The following ERC2 variants were observed in gnomAD, a reference collection of about 807,000 sequenced individuals.
ERC2 encodes the protein ELKS/RAB6-interacting/CAST family member 2.
Under a neutral mutation model 114.8 loss-of-function variants are expected in ERC2, and 42 were observed. That is an observed-to-expected ratio of 0.37 (90% CI 0.29 to 0.47). The LOEUF is 0.47. Ranked by LOEUF, ERC2 falls within the 20% of genes least tolerant of loss-of-function variation. The pLI is 0.99. For missense variants in ERC2, 939 were observed against 1,150.7 expected, an observed-to-expected ratio of 0.82 and a Z score of 2.66; for synonymous variants, 454 against 425.5, an observed-to-expected ratio of 1.07 and a Z score of -0.82.
At chr3:55,583,887 A>G (rs375060857) in intron 17 of ERC2, among the ~76,000 whole-genome samples, 5,122 of 25,098 alleles carry the variant, frequency 0.2, 89 homozygotes, top group Non-Finnish European at 0.38. Context: ...CCAACTTGCT[A>G]GCCCCCCTCC....
At chr3:56,043,357 T>G (rs1258346310) in intron 7 of ERC2, among the ~76,000 whole-genome samples, 1 of 152,166 alleles carries the variant, frequency 6.6e-6, no homozygotes, top group Non-Finnish European at 1.5e-5. Context: ...TAAGAATTTT[T>G]TATGGCACTA....
chr3:56,280,784 A>G (rs2054290129), intron 3 of ERC2, among the ~76,000 whole-genome samples: 1 of 152,222 alleles, frequency 6.6e-6, no homozygotes, highest in Admixed American at 6.5e-5. Flanking sequence ...GACTATTTCT[A>G]CAGGCAAGAC....
chr3:56,372,471 T>C (rs1352134346), intron 2 of ERC2, among the ~76,000 whole-genome samples: 1 of 152,130 alleles, frequency 6.6e-6, no homozygotes, highest in Non-Finnish European at 1.5e-5. Context: ...CTCACACCTA[T>C]AATTCCAACA....
At chr3:56,198,721 C>A (rs2048246429) in intron 3 of ERC2, among the ~76,000 whole-genome samples, 1 of 152,072 alleles carries the variant, frequency 6.6e-6, no homozygotes, top group Admixed American at 6.5e-5. Flanking sequence ...CAAAATATGC[C>A]CAGTTGGCAG....
chr3:55,791,175 G>T (rs902441952), intron 14 of ERC2, among the ~76,000 whole-genome samples: 3 of 152,218 alleles, frequency 2.0e-5, no homozygotes, highest in African/African-American at 7.2e-5. Flanking sequence ...GTGGTGGGAA[G>T]AGGAAGTAAA....
At chr3:55,735,727 A>C (rs933691195) in intron 14 of ERC2, among the ~76,000 whole-genome samples, 4 of 150,906 alleles carry the variant, frequency 2.7e-5, no homozygotes, top group Non-Finnish European at 3.0e-5. Context: ...CTCTGCGAAA[A>C]CCCCCCCAAA....
At chr3:55,634,238 T>A (rs1575853992) in intron 17 of ERC2, among the ~76,000 whole-genome samples, 1 of 152,302 alleles carries the variant, frequency 6.6e-6, no homozygotes, top group African/African-American at 2.4e-5. Flanking sequence ...AAAGTTGAGT[T>A]TATTTTCCTT....
At chr3:55,738,804 C>T (rs1350397616) in intron 14 of ERC2, among the ~76,000 whole-genome samples, 1 of 152,164 alleles carries the variant, frequency 6.6e-6, no homozygotes, top group East Asian at 1.9e-4. Context: ...TGCACATGTG[C>T]AGAATGTGCA....
At chr3:55,810,465 C>CTTTTTTTTTTTTTTTT (rs11318195) in intron 14 of ERC2, among the ~76,000 whole-genome samples, 7 of 146,466 alleles carry the variant, frequency 4.8e-5, no homozygotes, top group Non-Finnish European at 6.0e-5. Context: ...CTCTCTCCCT[C>CTTTTTTTTTTTTTTTT]TTTTTTTTTT....
intron 7 of ERC2, among the ~76,000 whole-genome samples, chr3:56,055,319 T>C (rs2075966525): frequency 6.6e-6 from 1 of 152,206 alleles, no homozygotes; most frequent in Non-Finnish European, 1.5e-5. Context: ...ACAGTCATAG[T>C]TGCCTTTGAG....
intron 2 of ERC2, among the ~76,000 whole-genome samples, chr3:56,369,849 G>A (rs566537776): frequency 6.6e-6 from 1 of 152,006 alleles, no homozygotes; most frequent in South Asian, 2.1e-4. Context: ...GCTAATTTTT[G>A]TATTTTTAGT....
intron 17 of ERC2, among the ~76,000 whole-genome samples, chr3:55,665,300 G>C (rs1202284742): frequency 6.6e-6 from 1 of 152,134 alleles, no homozygotes; most frequent in Admixed American, 6.5e-5. Context: ...GGAATTTCAG[G>C]GCTGGAAGAA....
chr3:56,287,991 C>A (rs151122779), intron 3 of ERC2, among the ~76,000 whole-genome samples: 1 of 152,176 alleles, frequency 6.6e-6, no homozygotes, highest in Non-Finnish European at 1.5e-5. Context: ...CCATGTCCTC[C>A]CAGGGTTGCC....
chr3:56,454,276 G>C (rs899408587), intron 1 of ERC2, among the ~76,000 whole-genome samples: 1 of 152,176 alleles, frequency 6.6e-6, no homozygotes, highest in Admixed American at 6.5e-5. Flanking sequence ...CTTAGGTTAA[G>C]ATCTTGCAAG....
chr3:55,684,565 C>G (rs2062229868), intron 16 of ERC2, among the ~76,000 whole-genome samples: 1 of 152,156 alleles, frequency 6.6e-6, no homozygotes, highest in African/African-American at 2.4e-5. Context: ...ACTTTCAATT[C>G]AGTAGAATGC....
At chr3:56,180,057 A>G (rs1302367312) in intron 3 of ERC2, among the ~76,000 whole-genome samples, 1 of 152,144 alleles carries the variant, frequency 6.6e-6, no homozygotes, top group African/African-American at 2.4e-5. Flanking sequence ...CTAGTGAAGT[A>G]GGAAGAGAAT....
At chr3:55,548,534 T>A (rs2054918740) in intron 17 of ERC2, among the ~76,000 whole-genome samples, 1 of 152,158 alleles carries the variant, frequency 6.6e-6, no homozygotes, top group African/African-American at 2.4e-5. Context: ...TCTTCTGGGC[T>A]AGAAAACAAG....
intron 7 of ERC2, among the ~76,000 whole-genome samples, chr3:56,026,255 G>A (rs563071544): frequency 1.3e-5 from 2 of 151,870 alleles, no homozygotes; most frequent in Non-Finnish European, 2.9e-5. Flanking sequence ...TCACCATGTT[G>A]GCCAGGCTGG....
chr3:55,552,298 A>G (rs1168060466), intron 17 of ERC2, among the ~76,000 whole-genome samples: 1 of 152,180 alleles, frequency 6.6e-6, no homozygotes, highest in Non-Finnish European at 1.5e-5. Flanking sequence ...AAAGACTTGC[A>G]CGTTCCACTC....
Sources: gnomAD v4.1 joint callset for allele counts (sites outside exome capture counted in the v4.1 genomes callset) on GRCh38, gnomAD v4.1.1 for gene constraint, MANE v1.5 for transcripts, NCBI Gene and HGNC (gene_info 2026-07-23, HGNC 2026-07-21) for gene names.